DDR1: variants seen among roughly 807,000 people sequenced by gnomAD.
The protein encoded by DDR1 is epithelial discoidin domain-containing receptor 1.
Under a neutral mutation model 97.4 loss-of-function variants are expected in DDR1, and 64 were observed. The observed-to-expected ratio is 0.66, with a 90% CI of 0.54 to 0.81. The LOEUF is 0.81. Ranked by LOEUF, DDR1 falls within the 30% of genes least tolerant of loss-of-function variation. The pLI is 0.00. For missense variants in DDR1, 990 were observed against 1,259.6 expected (o/e 0.79, Z 3.24); for synonymous variants, 458 against 503.7 (o/e 0.91, Z 1.21).
In DDR1 at chr6:30,899,140, C is replaced by T. The variant is rs201116677; in HGVS notation, c.2602-16C>T. 1 of 1,614,216 alleles carries T rather than the reference C, an allele frequency of 6.2e-7. No homozygotes were observed. The highest frequency in any genetic ancestry group is 8.5e-7 in the Non-Finnish European group (1 of 1,180,020). On this transcript the variant is annotated splice_polypyrimidine_tract_variant and intron_variant, in intron 17 of 17. Transcript: ENST00000376568. ...ATATTTGTTCCCTGACTCTCATCCA[C>T]ACTGCCACAATGCAGGTGTACCTGT...
rs1484184385 is a variant in DDR1 at position 30,893,391 on chromosome 6, T to G, written c.1315T>G (p.Trp439Gly). 1 of 1,606,864 alleles carries G rather than the reference T, an allele frequency of 6.2e-7. No individual in the cohort carries two copies. The highest frequency in any genetic ancestry group is 8.5e-7 in the Non-Finnish European group (1 of 1,179,800). ...LLLLIIALML[W>G]RLHWRRLLSK... ...GCTGCTCATCATTGCCCTCATGCTC[T>G]GGCGGCTGCACTGGCGCAGGCTCCT... The change falls in exon 10 of 18, where the codon TGG becomes GGG. Residue 439 changes from tryptophan (W) to glycine (G), a missense_variant. Physicochemically the swap from Trp to Gly is radical, Grantham distance 184 (BLOSUM62 -2). Transcript: ENST00000376568.
rs1278275443 is a variant in DDR1 at position 30,891,184 on chromosome 6, GAGAATGGGCATCC to G, written c.565+67_565+79del. 2 of 1,596,306 alleles carry G rather than the reference GAGAATGGGCATCC, an allele frequency of 1.3e-6. No homozygotes were observed. The highest frequency in any genetic ancestry group is 2.2e-5 in the South Asian group (2 of 89,670). The stretch of plus-strand genomic sequence containing the variant: ...AGGGGACTGGAGGGTGGGGAGTGTG[GAGAATGGGCATCC>G]AGGATCCCTTCTCCTGCTGGGAAGC... On this transcript the variant is annotated intron_variant, in intron 5 of 17. Coordinates refer to ENST00000376568, the MANE Select transcript of DDR1 (RefSeq NM_001297654.2). This position sits in a 1 kb window ranked among gnomAD's most constrained non-coding sequence, Gnocchi z 5.3.
At chr6:30,895,702 C>G (rs533008821) in intron 12 of DDR1, among the ~76,000 whole-genome samples, 188 bp downstream of exon 12, 21 of 152,338 alleles carry the variant, frequency 1.4e-4, no homozygotes. Context: ...AAGGTCCCCC[C>G]CTTGAGCTGA....
At chr6:30,885,317 G>A in intron 1 of DDR1, 1 of 1,495,678 alleles carries the variant, frequency 6.7e-7, no homozygotes, top group Non-Finnish European at 9.0e-7. Context: ...GCCAGAGGCA[G>A]GCGCCCAAGC....
intron 12 of DDR1, 148 bp from the exon 13 acceptor site, chr6:30,896,473 C>T: frequency 1.0e-6 from 1 of 1,003,258 alleles, no homozygotes; most frequent in Non-Finnish European, 1.5e-6. Context: ...GAGGTTGGCG[C>T]ATGGAATACT....
At chr6:30,898,002 GCTCT>G in intron 15 of DDR1, 67 bp from the exon 16 acceptor site, 3 of 1,238,274 alleles carry the variant, frequency 2.4e-6, no homozygotes, top group Non-Finnish European at 3.5e-6. Flanking sequence ...CGGGGAGTGG[GCTCT>G]CTCTCCTCTC....
In DDR1 at chr6:30,888,201, A is replaced by G. The variant is rs540195167; in HGVS notation, c.-42-487A>G. On this transcript the variant is annotated intron_variant, in intron 1 of 17. Transcript: ENST00000376568. The surrounding 1 kb of genome is among the most constrained non-coding windows in gnomAD (Gnocchi z 4.2). ...GCTTTTCTGTGAAATGACTATTCAC[A>G]TTCTTTGGCTGTTTCTTTATTGGGT... is the stretch of plus-strand genomic sequence containing the variant. 6.6e-6 allele frequency among the ~76,000 whole-genome samples: 1 copy of G among 152,154 alleles called. No homozygotes were observed. Among genetic ancestry groups the G allele is most frequent in the Non-Finnish European group, 1.5e-5 (1 of 68,028 alleles).
At position 30,891,147 on chromosome 6, in the gene DDR1, T is replaced by C. The variant is rs1788000291; in HGVS notation, c.565+27T>C. 1 of 1,612,206 alleles carries C rather than the reference T, an allele frequency of 6.2e-7. No homozygotes were observed. The highest frequency in any genetic ancestry group is 8.5e-7 in the Non-Finnish European group (1 of 1,179,828). On this transcript the variant is annotated intron_variant, in intron 5 of 17. Coordinates refer to ENST00000376568, the MANE Select transcript of DDR1 (RefSeq NM_001297654.2). This position sits in a 1 kb window ranked among gnomAD's most constrained non-coding sequence, Gnocchi z 5.3. ...TGAGTGGCTCAGCTTCCTGGGAATC[T>C]GTTTCCTGAGCAGGGGACTGGAGGG...
In DDR1 at chr6:30,892,529, C is replaced by T; in HGVS notation, c.1086C>T (p.Ile362=). 1 of 1,591,152 alleles carries T rather than the reference C, an allele frequency of 6.3e-7. No individual in the cohort carries two copies. The highest frequency in any genetic ancestry group is 8.6e-7 in the Non-Finnish European group (1 of 1,167,084). Residue 362 remains isoleucine (I), a synonymous_variant, in exon 8 of 18, where the codon ATC becomes ATT. Transcript: ENST00000376568. ...FAGPWLLFSE[I]SFISDVVNNS... is the part of the protein sequence containing the mutation. Reference sequence around the variant, plus strand: ...GGCCCTGGTTACTCTTCAGCGAAATCTCCTTCATCTCTGGTAAGCCCTGGA... The same window carrying T: ...GGCCCTGGTTACTCTTCAGCGAAATTTCCTTCATCTCTGGTAAGCCCTGGA...
At chr6:30,898,752 G>A in intron 16 of DDR1, 136 bp from the exon 17 acceptor site, 1 of 907,836 alleles carries the variant, frequency 1.1e-6, no homozygotes, top group East Asian at 2.4e-5. Context: ...CAGCGGAGGA[G>A]AGTGGAGAGC....
chr6:30,897,286 G>C lies in DDR1; in HGVS notation c.1998-93G>C. On this transcript the variant is annotated intron_variant, in intron 14 of 17. Transcript: ENST00000376568. This position sits in a 1 kb window ranked among gnomAD's most constrained non-coding sequence, Gnocchi z 5.2. ...ATGTACGCTGGGGGTGGGGACGCCTGGTCTGCCTGAGGTGGGGCAGGGGGG... is the reference window on the plus strand; with the variant it reads ...ATGTACGCTGGGGGTGGGGACGCCTCGTCTGCCTGAGGTGGGGCAGGGGGG... The C allele has an allele frequency of 7.0e-7, 1 of 1,434,482 alleles. No individual in the cohort carries two copies. Among genetic ancestry groups the C allele is most frequent in the Non-Finnish European group, 9.4e-7 (1 of 1,063,018 alleles). 88.9% of individuals were successfully genotyped at this position (1,434,482 alleles called of 1,614,324 possible).
Position 30,897,029 on chromosome 6 carries a change from G to A in DDR1, c.1885G>A (p.Val629Ile). ...GQFGEVHLCEVDSPQDLVSLD... is the reference protein window; with the variant it reads ...GQFGEVHLCEIDSPQDLVSLD... ...CTTTCTCCAGGTGCACCTGTGTGAG[G>A]TCGACAGCCCTCAAGATCTGGTTAG... is the stretch of plus-strand genomic sequence containing the variant. The change falls in exon 14 of 18, where the codon GTC (valine) becomes ATC (isoleucine). Residue 629 changes from valine (V) to isoleucine (I), a missense_variant. Transcript: ENST00000376568. The surrounding 1 kb of genome is among the most constrained non-coding windows in gnomAD (Gnocchi z 5.2). The A allele has an allele frequency of 6.2e-7, 1 of 1,613,042 alleles. No homozygotes were observed. Among genetic ancestry groups the A allele is most frequent in the South Asian group, 1.1e-5 (1 of 91,004 alleles).
At chr6:30,892,777 C>T (rs952159623) in intron 8 of DDR1, 4 of 597,760 alleles carry the variant, frequency 6.7e-6, no homozygotes, top group African/African-American at 5.6e-5. Context: ...GCCAGTATGA[C>T]AGTACTGGTT....
In DDR1 at chr6:30,897,711, G is replaced by C. The variant is rs1461330223; in HGVS notation, c.2216+114G>C. The C allele has an allele frequency of 3.6e-6, 3 of 830,394 alleles. No homozygotes were observed. Among genetic ancestry groups the C allele is most frequent in the Non-Finnish European group, 5.6e-6 (3 of 536,434 alleles). The allele number at this position is 830,394 out of a possible 1,614,324, so 51.4% of individuals were successfully genotyped here. On this transcript the variant is annotated intron_variant, in intron 15 of 17. Coordinates refer to ENST00000376568, the MANE Select transcript of DDR1 (RefSeq NM_001297654.2). The surrounding 1 kb of genome is among the most constrained non-coding windows in gnomAD (Gnocchi z 5.2). ...GAGCGTGGGGGTGGGAAGGGAGAGA[G>C]GTTCCAGGAGGGCCTGGGATAAGGA... is the stretch of plus-strand genomic sequence containing the variant.
In DDR1 at chr6:30,896,795, C is replaced by A. The variant is rs747349990; in HGVS notation, c.1799C>A (p.Pro600His). 1 of 1,585,920 alleles carries A rather than the reference C, an allele frequency of 6.3e-7. No homozygotes were observed. The highest frequency in any genetic ancestry group is 1.1e-5 in the South Asian group (1 of 87,296). Residue 600 changes from proline to histidine, a missense_variant, in exon 13 of 18, where the codon CCC becomes CAC. Physicochemically the swap from Pro to His is moderately conservative, Grantham distance 77. Transcript: ENST00000376568. ...ALPPGAVGDG[P>H]PRVDFPRSRL... The stretch of plus-strand genomic sequence containing the variant: ...CCCCCAGGGGCAGTCGGGGATGGGC[C>A]CCCCAGAGTGGATTTCCCTCGATCT...
At chr6:30,885,865 C>T in intron 1 of DDR1, 3 of 1,272,010 alleles carry the variant, frequency 2.4e-6, no homozygotes, top group Non-Finnish European at 3.1e-6. Context: ...TGGGTGTTGT[C>T]TGAGTGGGAC....
intron 9 of DDR1, 53 bp downstream of exon 9, chr6:30,893,216 TC>T (rs2150370177): frequency 1.9e-6 from 3 of 1,592,990 alleles, no homozygotes; most frequent in Non-Finnish European, 8.5e-7. Context: ...TCCCTGGGCC[TC>T]CCCCTCGGCT....
At position 30,889,560 on chromosome 6, in the gene DDR1, C is replaced by G. The variant is rs1787241345; in HGVS notation, c.417+130C>G. 1.5e-6 allele frequency: 1 copy of G among 656,804 alleles called. No homozygotes were observed. Among genetic ancestry groups the G allele is most frequent in the African/African-American group, 1.9e-5 (1 of 53,536 alleles). 40.7% of individuals were successfully genotyped at this position (656,804 alleles called of 1,614,324 possible). On this transcript the variant is annotated intron_variant, in intron 4 of 17. Coordinates refer to ENST00000376568, the MANE Select transcript of DDR1 (RefSeq NM_001297654.2). The surrounding 1 kb of genome is among the most constrained non-coding windows in gnomAD (Gnocchi z 4.9). ...CCAGACTAAGCCTCTCAGCTGAGCT[C>G]CAAACAATATTGTAAACCTGGCCAC... is the stretch of plus-strand genomic sequence containing the variant.
At chr6:30,884,028 G>C (rs1366147458), upstream of DDR1, 1 of 153,212 alleles carries the variant, frequency 6.5e-6, no homozygotes, top group Non-Finnish European at 1.5e-5. This position sits in a 1 kb window ranked among gnomAD's most constrained non-coding sequence, Gnocchi z 6.1. Context: ...TCTGTGCCCT[G>C]GGGCTGCTCC....
Sources: gnomAD v4.1 joint callset for allele counts (sites outside exome capture counted in the v4.1 genomes callset) on GRCh38, gnomAD v4.1.1 for gene constraint, Gnocchi (gnomAD v3.1) non-coding constraint, MANE v1.5 for transcripts, NCBI Gene and HGNC (gene_info 2026-07-23, HGNC 2026-07-21) for gene names.